BCR: variants seen among roughly 807,000 people sequenced by gnomAD.
The protein encoded by BCR is breakpoint cluster region protein.
A neutral mutation model predicts 138.6 loss-of-function variants in BCR; 58 were observed. The ratio of observed to expected loss-of-function variants is 0.42; its 90% CI spans 0.34 to 0.52. The LOEUF is 0.52. Among genes scored for constraint, BCR ranks in the 20% least tolerant of loss-of-function variants. The pLI is 0.06. For synonymous variants in BCR, 786 were observed against 730.1 expected, an observed-to-expected ratio of 1.08 and a Z score of -1.23; for missense variants, 1,599 against 1,727.2, an observed-to-expected ratio of 0.93 and a Z score of 1.32.
chr22:23,269,961 T>C (rs1011776814), intron 5 of BCR, among the ~76,000 whole-genome samples: 22 of 152,058 alleles, frequency 1.4e-4, no homozygotes, highest in African/African-American at 5.3e-4. Context: ...ATGGTTGAGA[T>C]GCAGGGAGTG....
intron 1 of BCR, among the ~76,000 whole-genome samples, chr22:23,248,876 A>T (rs2073188213): frequency 6.6e-6 from 1 of 152,132 alleles, no homozygotes; most frequent in Non-Finnish European, 1.5e-5. Flanking sequence ...CGGCCCAGAG[A>T]GGTTTTTCCA....
chr22:23,294,921 G>A (rs781381243), intron 15 of BCR, 103 bp from the exon 16 acceptor site: 2 of 1,452,438 alleles, frequency 1.4e-6, no homozygotes, highest in Non-Finnish European at 9.4e-7. Flanking sequence ...GGTCCCTCTG[G>A]GCCAGCAAGG....
At chr22:23,205,208 C>T (rs896759133) in intron 1 of BCR, among the ~76,000 whole-genome samples, 3 of 152,070 alleles carry the variant, frequency 2.0e-5, no homozygotes, top group African/African-American at 4.8e-5. Context: ...CTGAGCTGGC[C>T]GGTGCTGGAG....
intron 1 of BCR, among the ~76,000 whole-genome samples, chr22:23,188,069 G>A (rs1178697078): frequency 6.6e-6 from 1 of 152,180 alleles, no homozygotes; most frequent in Non-Finnish European, 1.5e-5. Context: ...AGGTCACCTG[G>A]GCCTGGAGTT....
chr22:23,314,765 C>T (rs771213046), intron 22 of BCR, 51 bp downstream of exon 22: 57 of 1,602,768 alleles, frequency 3.6e-5, no homozygotes, highest in Admixed American at 2.0e-4. Context: ...ACAGAGGTGG[C>T]CTCTGCCTGC....
intron 8 of BCR, among the ~76,000 whole-genome samples, chr22:23,276,328 G>A (rs2073575613): frequency 6.6e-6 from 1 of 152,098 alleles, no homozygotes; most frequent in African/African-American, 2.4e-5. Context: ...GAACCTGGGA[G>A]GCGGAGGTTG....
intron 1 of BCR, among the ~76,000 whole-genome samples, chr22:23,216,399 A>G (rs1054501014): frequency 6.6e-6 from 1 of 152,210 alleles, no homozygotes; most frequent in African/African-American, 2.4e-5. Flanking sequence ...GAAATTATTC[A>G]TTGTATTCAT....
At chr22:23,263,648 G>A in intron 4 of BCR, 1 of 1,468,834 alleles carries the variant, frequency 6.8e-7, no homozygotes, top group Non-Finnish European at 9.5e-7. Flanking sequence ...CATATTGTCA[G>A]TGCAGGAGGA....
At position 23,261,540 on chromosome 22, in the gene BCR, G is replaced by T; in HGVS notation, c.1752G>T (p.Leu584=). The T allele has an allele frequency of 6.2e-7, 1 of 1,611,380 alleles. No individual in the cohort carries two copies. Among genetic ancestry groups the T allele is most frequent in the South Asian group, 1.1e-5 (1 of 91,040 alleles). The change falls in exon 4 of 23, where the codon CTG becomes CTT. Residue 584 remains leucine, a splice_region_variant and synonymous_variant. Transcript: ENST00000305877. Reference sequence around the variant, plus strand: ...GGGTGGGCGACCTCTTCCAGAAGCTGGTGAGTAACCCAGGGCCGGTGCTGG... The same window carrying T: ...GGGTGGGCGACCTCTTCCAGAAGCTTGTGAGTAACCCAGGGCCGGTGCTGG... ...QQRVGDLFQK[L]ASQLGVYRAF... is the part of the protein sequence containing the mutation.
At chr22:23,208,069 C>T (rs1005223384) in intron 1 of BCR, among the ~76,000 whole-genome samples, 14 of 152,212 alleles carry the variant, frequency 9.2e-5, no homozygotes, top group Admixed American at 9.2e-4. Context: ...CCTGTCTAGA[C>T]AGAATGATGT....
In BCR at chr22:23,231,727, C is replaced by T. The variant is rs377574648; in HGVS notation, c.1280-22072C>T. Among the ~76,000 whole-genome samples, 18 of 152,290 alleles carry T rather than the reference C, an allele frequency of 1.2e-4. No homozygotes were observed. In the East Asian group the frequency reaches 1.5e-3, roughly 13 times the overall value. On this transcript the variant is annotated intron_variant, in intron 1 of 22. Transcript: ENST00000305877. ...TGTGAAGTTCATCCTTCCCTGGATACTTGGGCACCATCTGGCCAGGCTCAT... is the reference window on the plus strand; with the variant it reads ...TGTGAAGTTCATCCTTCCCTGGATATTTGGGCACCATCTGGCCAGGCTCAT...
intron 1 of BCR, chr22:23,199,361 C>G (rs764839741): frequency 1.9e-6 from 1 of 513,518 alleles, no homozygotes; most frequent in Admixed American, 2.0e-5. Context: ...TTGTGAGCCC[C>G]GCGGTTGCTT....
At chr22:23,197,193 T>C (rs2072494904) in intron 1 of BCR, among the ~76,000 whole-genome samples, 1 of 152,224 alleles carries the variant, frequency 6.6e-6, no homozygotes, top group Non-Finnish European at 1.5e-5. Flanking sequence ...TCACAATTGC[T>C]TACGGTATTC....
At chr22:23,269,898 G>A (rs562355091) in intron 5 of BCR, among the ~76,000 whole-genome samples, 28 of 152,094 alleles carry the variant, frequency 1.8e-4, no homozygotes, top group Non-Finnish European at 3.1e-4. Flanking sequence ...ACCATGGGAC[G>A]CCACCTGGGG....
intron 20 of BCR, among the ~76,000 whole-genome samples, chr22:23,313,380 A>G (rs549270344): frequency 1.3e-4 from 20 of 152,332 alleles, no homozygotes; most frequent in African/African-American, 4.3e-4. Context: ...GGTTTCAAAC[A>G]TGACCTGACC....
intron 1 of BCR, among the ~76,000 whole-genome samples, chr22:23,236,747 G>A (rs942377729): frequency 1.2e-4 from 19 of 152,246 alleles, no homozygotes; most frequent in Non-Finnish European, 1.5e-4. Context: ...GCCTGCCCTG[G>A]AGGTAAAGAG....
At position 23,216,866 on chromosome 22, in the gene BCR, C is replaced by T. The variant is rs373669046; in HGVS notation, c.1279+34627C>T. The T allele has an allele frequency of 1.1e-3, 252 of 223,938 alleles. 2 individuals carry two copies. Among genetic ancestry groups the T allele is most frequent in the South Asian group, 9.5e-3 (248 of 26,066 alleles). 13.9% of individuals were successfully genotyped at this position (223,938 alleles called of 1,614,324 possible). On this transcript the variant is annotated intron_variant, in intron 1 of 22. Transcript: ENST00000305877. ...GTTGCTTCTCATGGAGGCTAGGTTC[C>T]AAGAGCAAAGGTGGATGCTGCAGGG...
At chr22:23,289,428 C>G (rs553841660) in intron 12 of BCR, 89 bp from the exon 13 acceptor site, 13 of 1,134,586 alleles carry the variant, frequency 1.1e-5, no homozygotes, top group Non-Finnish European at 1.7e-5. Flanking sequence ...TGCCCCTTCC[C>G]CAGGGTGTGT....
chr22:23,294,486 C>T lies in BCR; in HGVS notation c.2881-538C>T, dbSNP rs570499065. Among the ~76,000 whole-genome samples the T allele has an allele frequency of 2.0e-5, 3 of 152,304 alleles. No homozygotes were observed. The East Asian group carries it at 5.8e-4, about 29-fold the overall frequency. ...CATGATCTTGGCTTACTGCAGCCTC[C>T]GCCTCCCGGATTCAAGCAATTCTCG... is the stretch of plus-strand genomic sequence containing the variant. On this transcript the variant is annotated intron_variant, in intron 15 of 22. Coordinates refer to ENST00000305877, the MANE Select transcript of BCR (RefSeq NM_004327.4).
Sources: gnomAD v4.1 joint callset for allele counts (sites outside exome capture counted in the v4.1 genomes callset) on GRCh38, gnomAD v4.1.1 for gene constraint, MANE v1.5 for transcripts, NCBI Gene and HGNC (gene_info 2026-07-23, HGNC 2026-07-21) for gene names.